Variants in CNTNAP2 observed in about 807,000 individuals in gnomAD.
The protein encoded by CNTNAP2 is contactin-associated protein-like 2.
Under a neutral mutation model 155.2 loss-of-function variants are expected in CNTNAP2, and 98 were observed. The observed-to-expected ratio is 0.63, with a 90% confidence interval of 0.54 to 0.75. The LOEUF (loss-of-function observed/expected upper bound fraction) is 0.75. CNTNAP2 is among the 30% of genes least tolerant of loss of function. CNTNAP2 has a pLI of 0.00. For missense variants in CNTNAP2, 1,727 were observed against 1,688.1 expected, an observed-to-expected ratio of 1.02 and a Z score of -0.40; for synonymous variants, 651 against 631.2, an observed-to-expected ratio of 1.03 and a Z score of -0.47.
At chr7:147,871,810 G>T (rs1420358072) in intron 13 of CNTNAP2, among the ~76,000 whole-genome samples, 1 of 151,906 alleles carries the variant, frequency 6.6e-6, no homozygotes, top group African/African-American at 2.4e-5. Context: ...AATTTATTTT[G>T]CACAATTTGC....
chr7:146,195,461 C>T (rs544251423), intron 1 of CNTNAP2, among the ~76,000 whole-genome samples: 44 of 152,320 alleles, frequency 2.9e-4, no homozygotes, highest in Non-Finnish European at 4.3e-4. Flanking sequence ...ACACTTTTCA[C>T]TCAGTGGCTT....
At chr7:146,760,135 CAT>C in intron 1 of CNTNAP2, among the ~76,000 whole-genome samples, 1 of 152,114 alleles carries the variant, frequency 6.6e-6, no homozygotes, top group South Asian at 2.1e-4. Flanking sequence ...ACAATCTTGG[CAT>C]ATGTTCTTAA....
intron 3 of CNTNAP2, among the ~76,000 whole-genome samples, chr7:146,851,659 TG>T (rs1794881296): frequency 2.1e-5 from 1 of 48,484 alleles, no homozygotes; most frequent in African/African-American, 1.0e-4. Context: ...TCTGTGTGTG[TG>T]TGTGTGTGTG....
rs116504559 is a variant in CNTNAP2 at position 147,147,785 on chromosome 7, C to A, written c.1348+15276C>A. On this transcript the variant is annotated intron_variant, in intron 8 of 23. Coordinates refer to ENST00000361727, the MANE Select transcript of CNTNAP2 (RefSeq NM_014141.6). ...AGGAGAACAATCTTTCTTCCTCTAC[C>A]TTTACTAACTTGCTCTTTGATCGCT... Among the ~76,000 whole-genome samples the A allele has an allele frequency of 2.2e-3, 331 of 152,178 alleles. 3 individuals are homozygous for A. The highest frequency in any genetic ancestry group is 7.7e-3 in the African/African-American group (320 of 41,530).
chr7:146,596,883 A>G (rs1454777414), intron 1 of CNTNAP2, among the ~76,000 whole-genome samples: 1 of 152,096 alleles, frequency 6.6e-6, no homozygotes, highest in Non-Finnish European at 1.5e-5. Context: ...AATGCAAAGA[A>G]AGCCCTTGGC....
chr7:148,346,087 G>A (rs545632012), intron 21 of CNTNAP2, among the ~76,000 whole-genome samples: 4 of 152,150 alleles, frequency 2.6e-5, no homozygotes, highest in South Asian at 2.1e-4. Context: ...CACCCTCTGC[G>A]TTGTGAATTT....
At chr7:146,841,398 C>G (rs541441037) in intron 3 of CNTNAP2, among the ~76,000 whole-genome samples, 7 of 152,066 alleles carry the variant, frequency 4.6e-5, no homozygotes, top group African/African-American at 1.7e-4. Flanking sequence ...AGGGAGAAAT[C>G]AAGTGGCCAA....
chr7:146,389,419 G>T (rs1795507900), intron 1 of CNTNAP2, among the ~76,000 whole-genome samples: 1 of 151,558 alleles, frequency 6.6e-6, no homozygotes, highest in African/African-American at 2.4e-5. Context: ...GTAATTCCTA[G>T]AATTACTTTT....
At chr7:147,597,453 T>C (rs1478916104) in intron 12 of CNTNAP2, among the ~76,000 whole-genome samples, 3 of 152,210 alleles carry the variant, frequency 2.0e-5, no homozygotes, top group Non-Finnish European at 4.4e-5. Context: ...TAAAATCTAT[T>C]TATTTCCTGA....
intron 3 of CNTNAP2, among the ~76,000 whole-genome samples, chr7:147,032,418 T>A (rs1477348868): frequency 1.3e-5 from 2 of 152,216 alleles, no homozygotes; most frequent in Non-Finnish European, 2.9e-5. Flanking sequence ...AGAAGTGATA[T>A]TTTCTTCATC....
At chr7:147,143,841 G>A (rs1406391893) in intron 8 of CNTNAP2, among the ~76,000 whole-genome samples, 2 of 152,108 alleles carry the variant, frequency 1.3e-5, no homozygotes, top group African/African-American at 4.8e-5. Flanking sequence ...ATGAAAGCGT[G>A]TATACATTTG....
intron 1 of CNTNAP2, among the ~76,000 whole-genome samples, chr7:146,482,292 G>A (rs1796972740): frequency 6.6e-6 from 1 of 150,876 alleles, no homozygotes; most frequent in African/African-American, 2.4e-5. Flanking sequence ...TAAAGTGTTT[G>A]TGAAGAAAAG....
chr7:147,631,984 G>C (rs935244508), intron 12 of CNTNAP2, among the ~76,000 whole-genome samples: 3 of 152,052 alleles, frequency 2.0e-5, no homozygotes, highest in Admixed American at 6.6e-5. Flanking sequence ...AAATAAATGG[G>C]ACCTAATTAA....
At chr7:147,249,660 C>T (rs2116655906) in intron 8 of CNTNAP2, among the ~76,000 whole-genome samples, 1 of 144,948 alleles carries the variant, frequency 6.9e-6, no homozygotes, top group South Asian at 2.2e-4. Context: ...CTCTCTCACA[C>T]CACAGAAGAT....
At chr7:146,688,259 A>G (rs1310760534) in intron 1 of CNTNAP2, among the ~76,000 whole-genome samples, 4 of 152,310 alleles carry the variant, frequency 2.6e-5, no homozygotes, top group East Asian at 1.9e-4. Flanking sequence ...TGATACAGCA[A>G]TAATCATAAG....
At chr7:146,773,373 T>C (rs2129185760) in intron 1 of CNTNAP2, among the ~76,000 whole-genome samples, 1 of 152,292 alleles carries the variant, frequency 6.6e-6, no homozygotes, top group East Asian at 1.9e-4. Context: ...TTATTCTGTC[T>C]TTACTTGCTG....
chr7:146,385,517 C>A lies in CNTNAP2; in HGVS notation c.97+268544C>A, dbSNP rs116373443. 6.7e-3 allele frequency among the ~76,000 whole-genome samples: 1,020 copies of A among 152,268 alleles called. 11 individuals are homozygous for A. The highest frequency in any genetic ancestry group is 0.023 in the African/African-American group (970 of 41,560). ...GTCATGCCTCATGATTAAGTGCAAA[C>A]CATTTCAAAATATGAAACAAAACAA... On this transcript the variant is annotated intron_variant, in intron 1 of 23. Coordinates refer to ENST00000361727, the MANE Select transcript of CNTNAP2 (RefSeq NM_014141.6).
intron 3 of CNTNAP2, among the ~76,000 whole-genome samples, chr7:146,893,034 ATTG>A (rs1205148228): frequency 3.3e-5 from 5 of 152,170 alleles, no homozygotes; most frequent in Non-Finnish European, 5.9e-5. Flanking sequence ...AAAAATATAT[ATTG>A]TTTGTAAAGA....
intron 8 of CNTNAP2, among the ~76,000 whole-genome samples, chr7:147,277,614 A>G (rs1804927144): frequency 6.6e-6 from 1 of 151,834 alleles, no homozygotes; most frequent in African/African-American, 2.4e-5. Context: ...AGAAATTTGC[A>G]CATATACATT....
Sources: gnomAD v4.1 joint callset for allele counts (sites outside exome capture counted in the v4.1 genomes callset) on GRCh38, gnomAD v4.1.1 for gene constraint, MANE v1.5 for transcripts, NCBI Gene and HGNC (gene_info 2026-07-23, HGNC 2026-07-21) for gene names.